SCMH1: variants seen among roughly 807,000 people sequenced by gnomAD.
SCMH1 encodes the protein polycomb protein SCMH1.
Under a neutral mutation model 70.8 loss-of-function variants are expected in SCMH1, and 37 were observed. The observed-to-expected ratio is 0.52, with a 90% CI of 0.40 to 0.69. The LOEUF (loss-of-function observed/expected upper bound fraction) is 0.69, where lower values mean the gene tolerates loss of function less well. Ranked by LOEUF, SCMH1 falls within the 30% of genes least tolerant of loss-of-function variation. The pLI, the probability that SCMH1 is intolerant of heterozygous loss-of-function variation, is 0.00. For synonymous variants in SCMH1, 292 were observed against 307.4 expected (o/e 0.95, Z 0.52); for missense variants, 607 against 827.3 (o/e 0.73, Z 3.27).
In SCMH1 at chr1:41,159,715, G is replaced by C. The variant is rs564889735; in HGVS notation, c.106+1160C>G. ...ATAACTATCATTTATCAAGTGCCAG[G>C]CACCTTTACCTGCATTATTTCATTT... On this transcript the variant is annotated intron_variant, in intron 4 of 14. Transcript: ENST00000337495. 166 of 1,529,036 alleles carry C rather than the reference G, an allele frequency of 1.1e-4. No homozygotes were observed. In the South Asian group the frequency reaches 2.0e-3, roughly 19 times the overall value. The allele number at this position is 1,529,036 out of a possible 1,614,324, so 94.7% of individuals were successfully genotyped here.
intron 4 of SCMH1, among the ~76,000 whole-genome samples, chr1:41,155,056 T>C (rs533228080): frequency 1.1e-3 from 170 of 152,310 alleles, no homozygotes; most frequent in African/African-American, 4.0e-3. Flanking sequence ...CATGGACAGA[T>C]ACTCTTCAGA....
chr1:41,152,768 GA>G, intron 4 of SCMH1: 1 of 1,575,904 alleles, frequency 6.3e-7, no homozygotes, highest in Non-Finnish European at 8.6e-7. Flanking sequence ...GTCACTGAAT[GA>G]AGAAATCTAA....
chr1:41,030,407 G>A (rs1386923183), intron 13 of SCMH1, among the ~76,000 whole-genome samples: 1 of 152,014 alleles, frequency 6.6e-6, no homozygotes, highest in Non-Finnish European at 1.5e-5. Context: ...GCCCCTGCCC[G>A]CAACTTACCC....
At chr1:41,191,604 A>T (rs1651725629) in intron 1 of SCMH1, among the ~76,000 whole-genome samples, 1 of 152,204 alleles carries the variant, frequency 6.6e-6, no homozygotes, top group African/African-American at 2.4e-5. Flanking sequence ...AGAAATGTTG[A>T]AAGTCATTTA....
intron 8 of SCMH1, among the ~76,000 whole-genome samples, chr1:41,106,742 T>C (rs1414600754): frequency 6.6e-6 from 1 of 151,722 alleles, no homozygotes; most frequent in Admixed American, 6.6e-5. Context: ...CAGGCTGGAG[T>C]GCAGTGGCGC....
chr1:41,055,343 T>G (rs1196706805), intron 10 of SCMH1, among the ~76,000 whole-genome samples: 1 of 150,810 alleles, frequency 6.6e-6, no homozygotes, highest in Non-Finnish European at 1.5e-5. Flanking sequence ...TGTGCCCAGC[T>G]GGATTTCGGA....
At position 41,223,688 on chromosome 1, in the gene SCMH1, G is replaced by A. The variant is rs528232065; in HGVS notation, c.-118+18371C>T. On this transcript the variant is annotated intron_variant, in intron 1 of 14. Transcript: ENST00000337495. The stretch of plus-strand genomic sequence containing the variant: ...TGTATATGATGCAAGCTAATTTCCA[G>A]CGCCATCTTTAATTCTCAGTGGTTC... 6.6e-5 allele frequency among the ~76,000 whole-genome samples: 10 copies of A among 152,168 alleles called. No individual in the cohort carries two copies. The East Asian group carries it at 1.9e-3, about 29-fold the overall frequency.
chr1:41,176,998 C>A (rs1017141955), intron 2 of SCMH1, among the ~76,000 whole-genome samples: 8 of 152,212 alleles, frequency 5.3e-5, no homozygotes, highest in South Asian at 2.1e-4. Flanking sequence ...AGGCACCCCC[C>A]AGTAGGGGCA....
chr1:41,164,281 C>T (rs952044989), intron 2 of SCMH1, among the ~76,000 whole-genome samples: 1 of 152,132 alleles, frequency 6.6e-6, no homozygotes, highest in African/African-American at 2.4e-5. Flanking sequence ...TCATTTTAAA[C>T]TCATAGCTAT....
At chr1:41,087,966 A>G (rs945665349) in intron 8 of SCMH1, among the ~76,000 whole-genome samples, 114 of 20,666 alleles carry the variant, frequency 5.5e-3, no homozygotes, top group South Asian at 0.013. Flanking sequence ...GTGTGTGTGT[A>G]TTTATTTATG....
chr1:41,031,008 C>G (rs1337075462), intron 13 of SCMH1, among the ~76,000 whole-genome samples: 1 of 152,204 alleles, frequency 6.6e-6, no homozygotes, highest in Non-Finnish European at 1.5e-5. Context: ...CACCTGTACA[C>G]TGAGTGCAGT....
chr1:41,129,713 T>C (rs904181194), intron 6 of SCMH1, among the ~76,000 whole-genome samples: 6 of 152,164 alleles, frequency 3.9e-5, no homozygotes, highest in African/African-American at 1.2e-4. Flanking sequence ...TATTCAAATA[T>C]CTGCCCAAGT....
chr1:41,213,893 T>TA (rs11362134), intron 1 of SCMH1, among the ~76,000 whole-genome samples: 40 of 151,722 alleles, frequency 2.6e-4, no homozygotes, highest in African/African-American at 8.5e-4. Flanking sequence ...CATTTTTTTT[T>TA]AAAAAAAACC....
intron 1 of SCMH1, among the ~76,000 whole-genome samples, chr1:41,217,245 A>G (rs558508772): frequency 1.3e-5 from 2 of 152,276 alleles, no homozygotes; most frequent in East Asian, 3.9e-4. Flanking sequence ...ACTTGTCCGA[A>G]TTATGTTGAG....
chr1:41,079,299 G>A (rs550296778), intron 8 of SCMH1, among the ~76,000 whole-genome samples: 1 of 152,064 alleles, frequency 6.6e-6, no homozygotes, highest in East Asian at 1.9e-4. Flanking sequence ...TATTAAAGAA[G>A]GGTGGATTAA....
chr1:41,109,600 C>T (rs983557894), intron 8 of SCMH1, among the ~76,000 whole-genome samples: 3 of 152,170 alleles, frequency 2.0e-5, no homozygotes, highest in African/African-American at 7.2e-5. Flanking sequence ...TTAGAGGGAA[C>T]AACCTAACTG....
intron 14 of SCMH1, 21 bp downstream of exon 15, chr1:41,028,559 TGAGA>T (rs1187933367): frequency 1.2e-6 from 2 of 1,613,594 alleles, no homozygotes; most frequent in African/African-American, 2.7e-5. Context: ...AGGTTCCTAC[TGAGA>T]GGTCAGGCAG....
intron 8 of SCMH1, among the ~76,000 whole-genome samples, chr1:41,077,534 C>G (rs1241765673): frequency 6.6e-6 from 1 of 152,120 alleles, no homozygotes; most frequent in East Asian, 1.9e-4. Context: ...GGCTGATCTC[C>G]TCTTAAAGAT....
At chr1:41,101,541 T>C (rs1666657268) in intron 8 of SCMH1, among the ~76,000 whole-genome samples, 1 of 152,242 alleles carries the variant, frequency 6.6e-6, no homozygotes, top group South Asian at 2.1e-4. Flanking sequence ...CTCATTCTGG[T>C]GGATATACAC....
Sources: allele counts gnomAD v4.1 joint callset (sites outside exome capture counted in the v4.1 genomes callset), GRCh38; gene constraint gnomAD v4.1.1; transcripts MANE v1.5; gene names NCBI Gene and HGNC (gene_info 2026-07-23, HGNC 2026-07-21).